PRKDC: variants seen among roughly 807,000 people sequenced by gnomAD.
PRKDC encodes DNA-dependent protein kinase catalytic subunit.
In PRKDC, 82 loss-of-function variants were observed where a neutral mutation model predicts 486.9. That is an observed-to-expected ratio of 0.17 (90% confidence interval 0.14 to 0.20). PRKDC has a LOEUF of 0.20. Among genes scored for constraint, PRKDC ranks in the 10% least tolerant of loss-of-function variants. PRKDC has a pLI of 1.00. For missense variants in PRKDC, 4,504 were observed against 5,038.2 expected (o/e 0.89, Z 3.21); for synonymous variants, 1,895 against 1,837.0 (o/e 1.03, Z -0.81).
At chr8:47,930,270 T>C (rs2090227859) in intron 17 of PRKDC, among the ~76,000 whole-genome samples, 1 of 152,234 alleles carries the variant, frequency 6.6e-6, no homozygotes, top group Admixed American at 6.5e-5. Context: ...TCTTTTATTA[T>C]TTGTTATTTA....
Position 47,820,754 on chromosome 8 carries a change from A to G in PRKDC, c.9301T>C (p.Tyr3101His), listed in dbSNP as rs2087573508. 1 of 1,590,608 alleles carries G rather than the reference A, an allele frequency of 6.3e-7. No homozygotes were observed. The highest frequency in any genetic ancestry group is 1.1e-5 in the South Asian group (1 of 87,660). The stretch of plus-strand genomic sequence containing the variant: ...CTCTGAATGCCATTTTGAATGTAAT[A>G]TTTGGCTCTGTCAACATCATCTTGC... ...LLQDDVDRAK[Y>H]YIQNGIQSFM... The change falls in exon 66 of 86, where the codon TAT becomes CAT. Residue 3101 changes from tyrosine (Y) to histidine (H), a missense_variant. Physicochemically the swap from Tyr to His is moderately conservative, Grantham distance 83 (BLOSUM62 2). Transcript: ENST00000314191.
intron 21 of PRKDC, among the ~76,000 whole-genome samples, chr8:47,925,100 A>G (rs1337050422): frequency 1.3e-5 from 2 of 152,144 alleles, no homozygotes; most frequent in Non-Finnish European, 2.9e-5. Context: ...CACCCTTGGG[A>G]GCACCTGGGA....
intron 36 of PRKDC, among the ~76,000 whole-genome samples, chr8:47,883,491 C>T (rs975815499): frequency 3.9e-5 from 6 of 152,146 alleles, no homozygotes; most frequent in Admixed American, 3.3e-4. Flanking sequence ...GAGCTGTGTC[C>T]TCAGCAAATG....
chr8:47,853,017 G>A (rs954176060), intron 51 of PRKDC, among the ~76,000 whole-genome samples: 2 of 152,202 alleles, frequency 1.3e-5, no homozygotes, highest in African/African-American at 2.4e-5. Flanking sequence ...ATGCAGAACC[G>A]CTGCAGCTGG....
rs752085221 is a variant in PRKDC at position 47,893,149 on chromosome 8, G to A, written c.3837C>T (p.Leu1279=). 2 of 1,601,986 alleles carry A rather than the reference G, an allele frequency of 1.2e-6. No homozygotes were observed. The highest frequency in any genetic ancestry group is 1.7e-6 in the Non-Finnish European group (2 of 1,170,944). The change falls in exon 31 of 86, where the codon CTC becomes CTT. Residue 1279 remains leucine (L), a synonymous_variant. Coordinates refer to ENST00000314191, the MANE Select transcript of PRKDC (RefSeq NM_006904.7). ...GCAAGGGTGACCTACCTAGGACCTG[G>A]AGCGCTCCTACAGTTCTCTCGCCAA... The part of the protein sequence containing the change: ...TFIGERTVGA[L]QVLGTEAQSS...
intron 24 of PRKDC, among the ~76,000 whole-genome samples, chr8:47,913,584 G>C: frequency 6.6e-6 from 1 of 152,094 alleles, no homozygotes; most frequent in East Asian, 1.9e-4. Flanking sequence ...GTAAAGATCA[G>C]GTTTTACCAT....
chr8:47,918,053 C>A (rs944998572), intron 22 of PRKDC, among the ~76,000 whole-genome samples: 1 of 152,066 alleles, frequency 6.6e-6, no homozygotes, highest in African/African-American at 2.4e-5. Context: ...TCCTATGTTG[C>A]CCAGGCTGAG....
rs2154497159 is a variant in PRKDC at position 47,773,994 on chromosome 8, T to C, written c.*179A>G. 1 of 607,474 alleles carries C rather than the reference T, an allele frequency of 1.6e-6. No homozygotes were observed. Among genetic ancestry groups the C allele is most frequent in the South Asian group, 2.6e-5 (1 of 38,548 alleles). 37.6% of individuals were successfully genotyped at this position (607,474 alleles called of 1,614,324 possible). Reference sequence around the variant, plus strand: ...GATGTTACTATAACCTTATCTTTGATTTAACCCATACACATTTACTCATCA... The same window carrying C: ...GATGTTACTATAACCTTATCTTTGACTTAACCCATACACATTTACTCATCA... On this transcript the variant is annotated 3_prime_UTR_variant, in exon 86 of 86. Coordinates refer to ENST00000314191, the MANE Select transcript of PRKDC (RefSeq NM_006904.7).
At position 47,826,840 on chromosome 8, in the gene PRKDC, C is replaced by A. The variant is rs569886407; in HGVS notation, c.8599G>T (p.Ala2867Ser). 1.3e-6 allele frequency: 2 copies of A among 1,590,404 alleles called. No homozygotes were observed. The highest frequency in any genetic ancestry group is 1.3e-5 in the African/African-American group (1 of 74,678). The change falls in exon 63 of 86, where the codon GCC becomes TCC. Residue 2867 changes from alanine to serine, a missense_variant. Ala to Ser is a moderately conservative substitution (Grantham distance 99). This residue lies in a region of PRKDC where 1,592 missense variants were observed against 1,724.6 expected (regional missense o/e 0.92). Coordinates refer to ENST00000314191, the MANE Select transcript of PRKDC (RefSeq NM_006904.7). ...GCCGCTGGGTCGAGGCTCAGCAGGG[C>A]TGCGTGCTGACAGCTAATGTCCTGT... ...CIQDISCQHA[A>S]LLSLDPAAVS...
intron 17 of PRKDC, 43 bp from the exon 18 acceptor site, chr8:47,930,055 T>G: frequency 6.5e-7 from 1 of 1,535,328 alleles, no homozygotes; most frequent in Non-Finnish European, 8.9e-7. Flanking sequence ...ATTTGTATCA[T>G]TCTGATCTTA....
intron 61 of PRKDC, among the ~76,000 whole-genome samples, chr8:47,828,645 A>C (rs2087793222): frequency 6.6e-6 from 1 of 152,220 alleles, no homozygotes; most frequent in Non-Finnish European, 1.5e-5. Context: ...CTGGGTCTCC[A>C]ATCTTTAAAT....
At chr8:47,790,729 A>AACAGAAT (rs2086868374) in intron 74 of PRKDC, among the ~76,000 whole-genome samples, 2 of 152,242 alleles carry the variant, frequency 1.3e-5, no homozygotes, top group African/African-American at 4.8e-5. Context: ...AAGCCAATGG[A>AACAGAAT]ACAGAATAGA....
intron 25 of PRKDC, 81 bp from the exon 26 acceptor site, chr8:47,905,057 T>G: frequency 1.9e-6 from 2 of 1,029,066 alleles, no homozygotes; most frequent in Non-Finnish European, 2.9e-6. Context: ...TTAAATGCCA[T>G]TTGCAGTATA....
chr8:47,832,827 C>T (rs767891650), intron 59 of PRKDC, among the ~76,000 whole-genome samples: 12 of 152,204 alleles, frequency 7.9e-5, no homozygotes, highest in African/African-American at 1.7e-4. Flanking sequence ...CAGACTGAAA[C>T]GGATCTACGC....
rs769114917 is a variant in PRKDC at position 47,930,832 on chromosome 8, C to T, written c.1777-45G>A. On this transcript the variant is annotated intron_variant, in intron 16 of 85. Coordinates refer to ENST00000314191, the MANE Select transcript of PRKDC (RefSeq NM_006904.7). ...AAAGAAACATTGTACCATTCAATCA[C>T]GAATCACTCAACAAATAACTTTCCA... 6.7e-6 allele frequency: 10 copies of T among 1,491,548 alleles called. No individual in the cohort carries two copies. The East Asian group carries it at 7.4e-5, about 11-fold the overall frequency. 92.4% of individuals were successfully genotyped at this position (1,491,548 alleles called of 1,614,324 possible).
chr8:47,926,961 T>A lies in PRKDC; in HGVS notation c.2419+233A>T, dbSNP rs8178050. The A allele has an allele frequency of 9.0e-3, 3,977 of 443,038 alleles. 78 individuals carry two copies. The highest frequency in any genetic ancestry group is 0.065 in the East Asian group (1,599 of 24,768). 27.4% of individuals were successfully genotyped at this position (443,038 alleles called of 1,614,324 possible). A position where few individuals can be genotyped will look rare whatever the true frequency, so the allele number is the denominator to read the frequency against. On this transcript the variant is annotated intron_variant, in intron 21 of 85. Transcript: ENST00000314191. ...ACAGTACTTGTCTTTGAAGATTTTATAAATCTTAGTAAGCTATAAGTGAGT... is the reference window on the plus strand; with the variant it reads ...ACAGTACTTGTCTTTGAAGATTTTAAAAATCTTAGTAAGCTATAAGTGAGT...
chr8:47,806,473 A>G (rs540363013), intron 69 of PRKDC, among the ~76,000 whole-genome samples: 22 of 152,378 alleles, frequency 1.4e-4, no homozygotes, highest in African/African-American at 4.8e-4. Context: ...AGAAAAATCT[A>G]TAAATGAGCA....
chr8:47,803,335 A>G lies in PRKDC; in HGVS notation c.9893T>C (p.Leu3298Pro), dbSNP rs1314193419. The G allele has an allele frequency of 6.2e-7, 1 of 1,613,514 alleles. No homozygotes were observed. The highest frequency in any genetic ancestry group is 1.7e-5 in the Admixed American group (1 of 59,882). ...SRSQGCSEQVLTVLKTVSLLD... is the reference protein window; with the variant it reads ...SRSQGCSEQVPTVLKTVSLLD... ...CAAAGAGACTGTTTTCAGCACAGTGAGCACCTGCTCAGAGCAGCCCTGGGA... is the reference window on the plus strand; with the variant it reads ...CAAAGAGACTGTTTTCAGCACAGTGGGCACCTGCTCAGAGCAGCCCTGGGA... Residue 3298 changes from leucine to proline, a missense_variant, in exon 70 of 86, where the codon CTC becomes CCC. Coordinates refer to ENST00000314191, the MANE Select transcript of PRKDC (RefSeq NM_006904.7).
chr8:47,843,181 GGAAAA>G (rs958785892), intron 54 of PRKDC, among the ~76,000 whole-genome samples: 10 of 152,010 alleles, frequency 6.6e-5, no homozygotes, highest in Middle Eastern at 3.4e-3. Context: ...ACAAAACAAA[GGAAAA>G]GAAAAGAAAA....
Sources: allele counts gnomAD v4.1 joint callset (sites outside exome capture counted in the v4.1 genomes callset), GRCh38; gene constraint gnomAD v4.1.1; regional missense constraint gnomAD v4.1.1; transcripts MANE v1.5; gene names NCBI Gene and HGNC (gene_info 2026-07-23, HGNC 2026-07-21).